CNGA2: variants seen among roughly 807,000 people sequenced by gnomAD.
The protein encoded by CNGA2 is cyclic nucleotide-gated channel alpha-2.
CNGA2 carries 22 observed loss-of-function variants against 35.9 expected under a neutral mutation model. The observed-to-expected ratio is 0.61, with a 90% CI of 0.44 to 0.88. The LOEUF (loss-of-function observed/expected upper bound fraction) is 0.88, where lower values mean the gene tolerates loss of function less well. Ranked by LOEUF, CNGA2 falls within the 40% of genes least tolerant of loss-of-function variation. The pLI is 0.00. For synonymous variants in CNGA2, 217 were observed against 209.2 expected (o/e 1.04, Z -0.32); for missense variants, 555 against 530.8 (o/e 1.05, Z -0.45).
Position 151,738,869 on chromosome X carries a change from G to A in CNGA2, c.193G>A (p.Gly65Ser). 8.6e-7 allele frequency: 1 copy of A among 1,166,765 alleles called. No homozygotes were observed. The highest frequency in any genetic ancestry group is 1.1e-6 in the Non-Finnish European group (1 of 871,794). Reference sequence around the variant, plus strand: ...GGATGCCCCACAGCAGGGAAGGAGTGGCTTCCGCAGGTGGGTCCCACCACT... The same window carrying A: ...GGATGCCCCACAGCAGGGAAGGAGTAGCTTCCGCAGGTGGGTCCCACCACT... ...DVDAPQQGRS[G>S]FRRIVRLVGI... Residue 65 changes from glycine (G) to serine (S), a missense_variant, in exon 3 of 7, where the codon GGC (glycine) becomes AGC (serine). Coordinates refer to ENST00000329903, the MANE Select transcript of CNGA2 (RefSeq NM_005140.3).
At chrX:151,739,848 G>T (rs1460257008) in intron 4 of CNGA2, 116 bp downstream of exon 4, 1 of 829,426 alleles carries the variant, frequency 1.2e-6, no homozygotes, top group Non-Finnish European at 1.7e-6. Flanking sequence ...AGTAAAAAGA[G>T]TGGTGGGCAA....
At chrX:151,738,752 A>C in intron 2 of CNGA2, 35 bp from the exon 3 acceptor site, 1 of 1,140,383 alleles carries the variant, frequency 8.8e-7, no homozygotes, top group Middle Eastern at 2.4e-4. Flanking sequence ...TCATGCCCTG[A>C]GAACCCTGGG....
rs1226663487 is a variant in CNGA2 at position 151,740,911 on chromosome X, G to A, written c.482+10G>A. 7 of 1,191,788 alleles carry A rather than the reference G, an allele frequency of 5.9e-6. No homozygotes were observed. The African/African-American group carries it at 7.0e-5, about 12-fold the overall frequency. ...GCCTGCTGGTGGCCAGGTGAGCAGG[G>A]TGGGGCCCAGGAGGGGTGGCCAAAG... On this transcript the variant is annotated intron_variant, in intron 5 of 6. Coordinates refer to ENST00000329903, the MANE Select transcript of CNGA2 (RefSeq NM_005140.3).
rs1245111653 is a variant in CNGA2, at chrX:151,745,383, G to C, written c.*885G>C. On this transcript the variant is annotated 3_prime_UTR_variant, in exon 7 of 7. Transcript: ENST00000329903. Reference sequence around the variant, plus strand: ...ATCCCTCTCTTTTCACCATATGGTTGTCCCTCAGTATTCATCAGGGATTGC... The same window carrying C: ...ATCCCTCTCTTTTCACCATATGGTTCTCCCTCAGTATTCATCAGGGATTGC... 9.0e-6 allele frequency: 1 copy of C among 111,619 alleles called. No individual in the cohort carries two copies. Among genetic ancestry groups the C allele is most frequent in the African/African-American group, 3.3e-5 (1 of 30,643 alleles). 9.2% of individuals were successfully genotyped at this position (111,619 alleles called of 1,213,427 possible).
intron 5 of CNGA2, 151 bp from the exon 6 acceptor site, chrX:151,742,385 A>G (rs919516019): frequency 2.3e-6 from 1 of 441,698 alleles, no homozygotes; most frequent in African/African-American, 2.5e-5. Flanking sequence ...AGTTACTTGT[A>G]GATAAATATC....
In CNGA2 at chrX:151,739,575, G is replaced by A. The variant is rs952151969; in HGVS notation, c.217G>A (p.Val73Met). 2 of 1,211,558 alleles carry A rather than the reference G, an allele frequency of 1.7e-6. No individual in the cohort carries two copies. Among genetic ancestry groups the A allele is most frequent in the Non-Finnish European group, 2.2e-6 (2 of 895,382 alleles). The part of the protein sequence containing the change: ...RSGFRRIVRL[V>M]GIIREWANKN... ...TCTCACCTCTAGGATAGTTCGCCTG[G>A]TGGGGATCATCAGAGAATGGGCCAA... The change falls in exon 4 of 7, where the codon GTG becomes ATG. Residue 73 changes from valine (V) to methionine (M), a missense_variant. Physicochemically the swap from Val to Met is conservative, Grantham distance 21 (BLOSUM62 1). Coordinates refer to ENST00000329903, the MANE Select transcript of CNGA2 (RefSeq NM_005140.3).
In CNGA2 at chrX:151,744,563, A is replaced by G; in HGVS notation, c.*65A>G. 1 of 931,025 alleles carries G rather than the reference A, an allele frequency of 1.1e-6. No homozygotes were observed. The highest frequency in any genetic ancestry group is 1.5e-6 in the Non-Finnish European group (1 of 676,763). The allele number at this position is 931,025 out of a possible 1,213,427, so 76.7% of individuals were successfully genotyped here. ...CTTGATCCCAGAAGCTAGAGGAGCT[A>G]TTTAGATCTCCGGATTTACATGCAT... On this transcript the variant is annotated 3_prime_UTR_variant, in exon 7 of 7. Transcript: ENST00000329903.
chrX:151,737,503 C>T (rs2015259944), intron 1 of CNGA2, among the ~76,000 whole-genome samples: 1 of 111,742 alleles, frequency 8.9e-6, no homozygotes, highest in South Asian at 3.8e-4. Flanking sequence ...ATCCACTCCT[C>T]TGAGTCCCAT....
In CNGA2 at chrX:151,738,477, A is replaced by G. The variant is rs2015269498; in HGVS notation, c.-7A>G. Reference sequence around the variant, plus strand: ...TGGCAGATAAGTGCTCTGGTTGTACATGGAGGATGACCGAAAAAACCAATG... The same window carrying G: ...TGGCAGATAAGTGCTCTGGTTGTACGTGGAGGATGACCGAAAAAACCAATG... On this transcript the variant is annotated 5_prime_UTR_variant, in exon 2 of 7. It removes an upstream start codon present in the reference 5' UTR. Coordinates refer to ENST00000329903, the MANE Select transcript of CNGA2 (RefSeq NM_005140.3). 8.3e-7 allele frequency: 1 copy of G among 1,202,465 alleles called. No homozygotes were observed. Among genetic ancestry groups the G allele is most frequent in the Non-Finnish European group, 1.1e-6 (1 of 887,630 alleles).
At chrX:151,738,948 C>G in intron 3 of CNGA2, 69 bp downstream of exon 3, 1 of 875,036 alleles carries the variant, frequency 1.1e-6, no homozygotes, top group Non-Finnish European at 1.6e-6. Flanking sequence ...GCTACCACTG[C>G]CCTCCTCTTC....
rs1175703747 is a variant in CNGA2 at position 151,744,244 on chromosome X, G to A, written c.1741G>A (p.Glu581Lys). The A allele has an allele frequency of 1.7e-6, 2 of 1,208,163 alleles. No homozygotes were observed. The highest frequency in any genetic ancestry group is 2.2e-6 in the Non-Finnish European group (2 of 894,890). ...GAGGGGTCGGGAGATCCTCATGAAG[G>A]AGGGACTGCTGGATGAGAACGAAGT... ...EERGREILMK[E>K]GLLDENEVAT... The change falls in exon 7 of 7, where the codon GAG becomes AAG. Residue 581 changes from glutamate to lysine, a missense_variant. Glu to Lys is a moderately conservative substitution (Grantham distance 56). Coordinates refer to ENST00000329903, the MANE Select transcript of CNGA2 (RefSeq NM_005140.3).
intron 1 of CNGA2, among the ~76,000 whole-genome samples, chrX:151,736,796 T>C (rs2015251285): frequency 9.0e-6 from 1 of 111,271 alleles, no homozygotes; most frequent in Non-Finnish European, 1.9e-5. Context: ...TGTGAACATA[T>C]GCTGTGCCCC....
intron 4 of CNGA2, among the ~76,000 whole-genome samples, chrX:151,739,970 G>C (rs1193628598): frequency 8.9e-6 from 1 of 112,415 alleles, no homozygotes; most frequent in Non-Finnish European, 1.9e-5. Flanking sequence ...GTTGCCTCTT[G>C]CCAGATGTCC....
rs1195084528 is a variant in CNGA2, at chrX:151,744,388, C to T, written c.1885C>T (p.Leu629Phe). Residue 629 changes from leucine (L) to phenylalanine (F), a missense_variant, in exon 7 of 7, where the codon CTC becomes TTC. By Grantham distance (22) the Leu-to-Phe change is conservative (BLOSUM62 0). Transcript: ENST00000329903. Reference sequence around the variant, plus strand: ...TGAGTACACGGGGGCCCAGCAGAAGCTCAAGCAGCGCATCACAGTTCTGGA... The same window carrying T: ...TGAGTACACGGGGGCCCAGCAGAAGTTCAAGCAGCGCATCACAGTTCTGGA... ...LAEYTGAQQKLKQRITVLETK... is the reference protein window; with the variant it reads ...LAEYTGAQQKFKQRITVLETK... 1 of 1,211,009 alleles carries T rather than the reference C, an allele frequency of 8.3e-7. No homozygotes were observed. Among genetic ancestry groups the T allele is most frequent in the African/African-American group, 1.7e-5 (1 of 57,580 alleles).
intron 4 of CNGA2, 56 bp from the exon 5 acceptor site, chrX:151,740,738 G>T (rs1264194362): frequency 2.1e-6 from 2 of 933,497 alleles, no homozygotes; most frequent in Admixed American, 2.2e-5. Flanking sequence ...GGGAGCTGGG[G>T]TGCTATCACA....
chrX:151,738,773 TC>T lies in CNGA2; in HGVS notation c.111-13del. ...CCTGAGAACCCTGGGTCAATTCTGC[TC>T]TTTTTTCTGCAGGCCACACTCTGCA... On this transcript the variant is annotated splice_polypyrimidine_tract_variant and intron_variant, in intron 2 of 6. Coordinates refer to ENST00000329903, the MANE Select transcript of CNGA2 (RefSeq NM_005140.3). 8.6e-7 allele frequency: 1 copy of T among 1,160,006 alleles called. No homozygotes were observed. Among genetic ancestry groups the T allele is most frequent in the Non-Finnish European group, 1.2e-6 (1 of 866,904 alleles).
At chrX:151,739,278 C>T (rs1344953001) in intron 3 of CNGA2, among the ~76,000 whole-genome samples, 2 of 112,227 alleles carry the variant, frequency 1.8e-5, no homozygotes, top group Non-Finnish European at 3.8e-5. Context: ...AGACCTCCTG[C>T]TTGCTCTTCG....
chrX:151,738,925 G>A lies in CNGA2; in HGVS notation c.203+46G>A, dbSNP rs1205609386. 8 of 1,045,092 alleles carry A rather than the reference G, an allele frequency of 7.7e-6. No individual in the cohort carries two copies. The East Asian group carries it at 2.3e-4, about 30-fold the overall frequency. 86.1% of individuals were successfully genotyped at this position (1,045,092 alleles called of 1,213,427 possible). On this transcript the variant is annotated intron_variant, in intron 3 of 6. Coordinates refer to ENST00000329903, the MANE Select transcript of CNGA2 (RefSeq NM_005140.3). ...GCTGCTTCCCCTTCCTGTGCATGGA[G>A]CCTGTCAGGGTGGCTACCACTGCCC...
At chrX:151,736,983 A>G (rs2015252895) in intron 1 of CNGA2, among the ~76,000 whole-genome samples, 1 of 111,705 alleles carries the variant, frequency 9.0e-6, no homozygotes, top group African/African-American at 3.3e-5. Flanking sequence ...GCAGGGACTC[A>G]GTGATGCTGG....
Sources: gnomAD v4.1 joint callset for allele counts (sites outside exome capture counted in the v4.1 genomes callset) on GRCh38, gnomAD v4.1.1 for gene constraint, MANE v1.5 for transcripts, NCBI Gene and HGNC (gene_info 2026-07-23, HGNC 2026-07-21) for gene names.